Variants in WDR37 observed in about 807,000 individuals in gnomAD.
WDR37 encodes the protein WD repeat-containing protein 37.
WDR37 carries 19 observed loss-of-function variants against 62.9 expected under a neutral mutation model. The observed-to-expected ratio is 0.30, with a 90% confidence interval of 0.21 to 0.44. The LOEUF (loss-of-function observed/expected upper bound fraction) is 0.44. Among genes scored for constraint, WDR37 ranks in the 20% least tolerant of loss-of-function variants. WDR37 has a pLI of 1.00. For missense variants in WDR37, 474 were observed against 657.6 expected (o/e 0.72, Z 3.05); for synonymous variants, 250 against 260.9 (o/e 0.96, Z 0.40).
chr10:1,060,316 C>T (rs761559905), intron 1 of WDR37, among the ~76,000 whole-genome samples: 2 of 152,110 alleles, frequency 1.3e-5, no homozygotes, highest in African/African-American at 4.8e-5. Flanking sequence ...ATTACGTACA[C>T]GGCAACATAT....
intron 2 of WDR37, 69 bp downstream of exon 2, chr10:1,072,362 G>A (rs554047250): frequency 6.9e-6 from 11 of 1,584,494 alleles, no homozygotes; most frequent in East Asian, 6.8e-5. Flanking sequence ...TCGTTTCCCC[G>A]GCTGGAGTGC....
Position 1,105,314 on chromosome 10 carries a change from C to T in WDR37, c.1103+47C>T. 6.3e-7 allele frequency: 1 copy of T among 1,575,302 alleles called. No individual in the cohort carries two copies. The highest frequency in any genetic ancestry group is 8.7e-7 in the Non-Finnish European group (1 of 1,153,726). ...ATCTGTCCTTAGTCATGAAAAAGTTCTGTGGGTTGACATGAAAACTTAATT... is the reference window on the plus strand; with the variant it reads ...ATCTGTCCTTAGTCATGAAAAAGTTTTGTGGGTTGACATGAAAACTTAATT... On this transcript the variant is annotated intron_variant, in intron 11 of 13. Coordinates refer to ENST00000263150, the MANE Select transcript of WDR37 (RefSeq NM_014023.4). The surrounding 1 kb of genome is among the most constrained non-coding windows in gnomAD (Gnocchi z 5.3).
intron 11 of WDR37, among the ~76,000 whole-genome samples, chr10:1,123,253 A>G (rs1386575090): frequency 6.6e-6 from 1 of 152,156 alleles, no homozygotes; most frequent in Non-Finnish European, 1.5e-5. Flanking sequence ...TAAGATAAAG[A>G]TTGTGGTTAA....
chr10:1,086,809 GTAGT>G (rs3830227), intron 7 of WDR37, among the ~76,000 whole-genome samples: 27,208 of 152,140 alleles, frequency 0.18, 2,617 homozygotes, highest in East Asian at 0.27. Flanking sequence ...CGCTGTCCAT[GTAGT>G]TAGTTAACGC....
chr10:1,128,654 C>G (rs542204563), intron 13 of WDR37, among the ~76,000 whole-genome samples: 23 of 152,306 alleles, frequency 1.5e-4, no homozygotes, highest in African/African-American at 5.5e-4. Flanking sequence ...TCACATTGAT[C>G]ATTTATTTTT....
intron 7 of WDR37, among the ~76,000 whole-genome samples, chr10:1,093,019 C>T (rs544625294): frequency 1.3e-5 from 2 of 151,964 alleles, no homozygotes; most frequent in Non-Finnish European, 2.9e-5. Context: ...GTCCTGGCGT[C>T]TCTACTAGTC....
In WDR37 at chr10:1,105,987, G is replaced by A. The variant is rs998125345; in HGVS notation, c.1103+720G>A. ...TTTTTAGTAGAGATGGGGTTTCACC[G>A]TGATAGCCAGGATGGTCTCGATCTC... On this transcript the variant is annotated intron_variant, in intron 11 of 13. Coordinates refer to ENST00000263150, the MANE Select transcript of WDR37 (RefSeq NM_014023.4). The surrounding 1 kb of genome is among the most constrained non-coding windows in gnomAD (Gnocchi z 5.3). Among the ~76,000 whole-genome samples, 8 of 151,968 alleles carry A rather than the reference G, an allele frequency of 5.3e-5. No homozygotes were observed. Among genetic ancestry groups the A allele is most frequent in the African/African-American group, 7.3e-5 (3 of 41,368 alleles).
rs1835964465 is a variant in WDR37, at chr10:1,132,370, T to C, written c.*3026T>C. The stretch of plus-strand genomic sequence containing the variant: ...TATGCTAACATTAAACAATACATAA[T>C]TATGTTGCTTCATCCCTCATCAGGA... On this transcript the variant is annotated 3_prime_UTR_variant, in exon 14 of 14. Transcript: ENST00000263150. 6.6e-6 allele frequency: 1 copy of C among 152,236 alleles called. No individual in the cohort carries two copies. The highest frequency in any genetic ancestry group is 1.5e-5 in the Non-Finnish European group (1 of 68,052). 9.4% of individuals were successfully genotyped at this position (152,236 alleles called of 1,614,324 possible).
At chr10:1,107,394 A>G (rs1224952385) in intron 11 of WDR37, among the ~76,000 whole-genome samples, 1 of 152,272 alleles carries the variant, frequency 6.6e-6, no homozygotes. Context: ...CGGGAGGAGC[A>G]AGATGGTCTC....
chr10:1,064,122 AAC>A (rs957888577), intron 1 of WDR37, among the ~76,000 whole-genome samples: 12 of 152,274 alleles, frequency 7.9e-5, no homozygotes, highest in African/African-American at 4.8e-5. Context: ...GTAAAAAAGA[AAC>A]ACAAAATTTC....
At position 1,077,891 on chromosome 10, in the gene WDR37, AAGTCTTCTTCTGC is replaced by A; in HGVS notation, c.139-13_139-1del. The A allele has an allele frequency of 6.3e-7, 1 of 1,592,536 alleles. No homozygotes were observed. Among genetic ancestry groups the A allele is most frequent in the South Asian group, 1.1e-5 (1 of 86,980 alleles). ...TTCATTCATTCATTCATTTTAAACA[AAGTCTTCTTCTGC>A]AGGATTCTAAACTGCCTTCCTCGGT... On this transcript the variant is annotated splice_polypyrimidine_tract_variant and splice_region_variant and intron_variant, in intron 2 of 13. Coordinates refer to ENST00000263150, the MANE Select transcript of WDR37 (RefSeq NM_014023.4).
In WDR37 at chr10:1,057,230, C is replaced by T. The variant is rs185259344; in HGVS notation, c.-41+262C>T. 5.7e-3 allele frequency among the ~76,000 whole-genome samples: 862 copies of T among 151,408 alleles called. 11 individuals are homozygous for T. The highest frequency in any genetic ancestry group is 0.02 in the African/African-American group (817 of 41,238). On this transcript the variant is annotated intron_variant, in intron 1 of 13. Transcript: ENST00000263150. ...GAGAAGTCGGGGCGCAGGAGTAGTC[C>T]GTGGCGGTGCCAGAGGGACCAGGGT...
At chr10:1,126,835 C>A (rs1053596301) in intron 13 of WDR37, among the ~76,000 whole-genome samples, 3 of 152,232 alleles carry the variant, frequency 2.0e-5, no homozygotes, top group African/African-American at 7.2e-5. Flanking sequence ...CTTCAGTCCC[C>A]TTCCTGGCAT....
In WDR37 at chr10:1,072,231, C is replaced by T. The variant is rs774499095; in HGVS notation, c.76C>T (p.Arg26Ter). Reference sequence around the variant, plus strand: ...GCGCAAATCCCATAGCCTTTCTATACGAAGAACTAACAGCTCGGAGCAGGA... The same window carrying T: ...GCGCAAATCCCATAGCCTTTCTATATGAAGAACTAACAGCTCGGAGCAGGA... The part of the protein sequence containing the change: ...QKRKSHSLSI[R>*]RTNSSEQERT... Residue 26 changes from arginine to a stop codon, truncating the protein, a stop_gained, in exon 2 of 14, where the codon CGA (arginine) becomes TGA (stop). Coordinates refer to ENST00000263150, the MANE Select transcript of WDR37 (RefSeq NM_014023.4). LOFTEE classifies it high-confidence loss of function. 6.2e-7 allele frequency: 1 copy of T among 1,614,106 alleles called. No homozygotes were observed. The highest frequency in any genetic ancestry group is 8.5e-7 in the Non-Finnish European group (1 of 1,180,030).
At chr10:1,116,402 C>T (rs1038025729) in intron 11 of WDR37, among the ~76,000 whole-genome samples, 1 of 152,186 alleles carries the variant, frequency 6.6e-6, no homozygotes. Context: ...GTCAGTCCTC[C>T]GCTGTCCCTG....
intron 1 of WDR37, among the ~76,000 whole-genome samples, chr10:1,070,569 AAATG>A (rs1833697169): frequency 6.6e-6 from 1 of 152,220 alleles, no homozygotes; most frequent in African/African-American, 2.4e-5. Flanking sequence ...TATTAAAAAT[AAATG>A]AAGTGAATTT....
chr10:1,096,436 G>C, intron 9 of WDR37, 190 bp downstream of exon 9: 2 of 621,024 alleles, frequency 3.2e-6, no homozygotes, highest in Admixed American at 2.6e-5. Flanking sequence ...GTGAGGTTGC[G>C]TGAGGTCCTC....
At chr10:1,113,685 G>GA (rs1232285976) in intron 11 of WDR37, among the ~76,000 whole-genome samples, 1 of 152,214 alleles carries the variant, frequency 6.6e-6, no homozygotes, top group Admixed American at 6.5e-5. Context: ...GAAACAGGAA[G>GA]ATAACTAGGA....
chr10:1,086,405 CA>C (rs761732722), intron 7 of WDR37, 48 bp downstream of exon 7: 16 of 1,501,150 alleles, frequency 1.1e-5, no homozygotes, highest in Non-Finnish European at 1.5e-5. Context: ...TTGCCTTCTC[CA>C]GTGTGTTTTT....
Sources: gnomAD v4.1 joint callset for allele counts (sites outside exome capture counted in the v4.1 genomes callset) on GRCh38, gnomAD v4.1.1 for gene constraint, Gnocchi (gnomAD v3.1) non-coding constraint, MANE v1.5 for transcripts, NCBI Gene and HGNC (gene_info 2026-07-23, HGNC 2026-07-21) for gene names.